Variants in NGDN observed in about 807,000 individuals in gnomAD.
NGDN encodes EIF4E-binding protein.
Under a neutral mutation model 45.2 loss-of-function variants are expected in NGDN, and 41 were observed. That is an observed-to-expected ratio of 0.91 (90% CI 0.71 to 1.18). The LOEUF is 1.18. Among genes scored for constraint, NGDN ranks in the 50% most tolerant of loss-of-function variants. NGDN has a pLI of 0.00. For missense variants in NGDN, 402 were observed against 399.9 expected, an observed-to-expected ratio of 1.01 and a Z score of -0.05; for synonymous variants, 137 against 130.9, an observed-to-expected ratio of 1.05 and a Z score of -0.32.
At chr14:23,477,841 A>T (rs1893939871) in intron 10 of NGDN, 166 bp from the exon 11 acceptor site, 1 of 1,491,354 alleles carries the variant, frequency 6.7e-7, no homozygotes, top group Admixed American at 2.5e-5. Flanking sequence ...CCATTATCCC[A>T]TTTCAATTTT....
intron 2 of NGDN, among the ~76,000 whole-genome samples, chr14:23,470,629 A>G (rs541440106): frequency 3.5e-4 from 54 of 152,346 alleles, no homozygotes; most frequent in Non-Finnish European, 5.1e-4. Context: ...AGTACAAACA[A>G]AATTACAGTG....
downstream of NGDN, chr14:23,478,621 A>C (rs570597490): frequency 1.3e-5 from 2 of 152,718 alleles, no homozygotes; most frequent in Non-Finnish European, 2.9e-5. Flanking sequence ...TAGCATGAAC[A>C]TAAGGCTGAT....
Position 23,476,353 on chromosome 14 carries a change from TC to T in NGDN, c.661del (p.Arg221ValfsTer25), listed in dbSNP as rs1257199463. 1.2e-6 allele frequency: 2 copies of T among 1,613,182 alleles called. No homozygotes were observed. Among genetic ancestry groups the T allele is most frequent in the East Asian group, 2.2e-5 (1 of 44,880 alleles). On this transcript the variant is annotated frameshift_variant, in exon 8 of 11. Coordinates refer to ENST00000408901, the MANE Select transcript of NGDN (RefSeq NM_001042635.2). LOFTEE classifies it high-confidence loss of function. ...CAGTACTCAGATGCTCCAGAGGAAA[TC>T]CGTGATGCTCGGCATCCCCATGTTA... ...KEQYSDAPEE[I>X]RDARHPHVTR...
At position 23,476,303 on chromosome 14, in the gene NGDN, C is replaced by T. The variant is rs1893901683; in HGVS notation, c.609C>T (p.Ser203=). The change falls in exon 8 of 11, where the codon AGC becomes AGT. Residue 203 remains serine, a synonymous_variant. Coordinates refer to ENST00000408901, the MANE Select transcript of NGDN (RefSeq NM_001042635.2). ...GAGCCAAGAGACGGGCATTGAGCAG[C>T]TCTGTCATTCGTGAACTTAAGGAGC... ...LERAKRRALS[S]SVIRELKEQY... 6.2e-7 allele frequency: 1 copy of T among 1,614,014 alleles called. No individual in the cohort carries two copies. Among genetic ancestry groups the T allele is most frequent in the African/African-American group, 1.3e-5 (1 of 74,920 alleles).
chr14:23,470,229 A>G (rs1198400411), intron 2 of NGDN, 128 bp downstream of exon 2: 5 of 750,440 alleles, frequency 6.7e-6, no homozygotes, highest in Non-Finnish European at 1.1e-5. Flanking sequence ...TGATGTAATC[A>G]AAACCTTTTC....
At position 23,477,257 on chromosome 14, in the gene NGDN, A is replaced by G. The variant is rs1893924315; in HGVS notation, c.771A>G (p.Gly257=). ...VRLSVSKREK[G]RRKRANVMSS... is the part of the protein sequence containing the mutation. ...TGAGCGTCAGTAAGCGAGAGAAAGG[A>G]CGGCGAAAACGAGCAAATGTCATGA... is the stretch of plus-strand genomic sequence containing the variant. Residue 257 remains glycine, a synonymous_variant, in exon 9 of 11, where the codon GGA becomes GGG. Coordinates refer to ENST00000408901, the MANE Select transcript of NGDN (RefSeq NM_001042635.2). 1 of 1,614,036 alleles carries G rather than the reference A, an allele frequency of 6.2e-7. No homozygotes were observed. Among genetic ancestry groups the G allele is most frequent in the Non-Finnish European group, 8.5e-7 (1 of 1,180,010 alleles).
rs755513175 is a variant in NGDN at position 23,476,252 on chromosome 14, T to A, written c.558T>A (p.Ala186=). The A allele has an allele frequency of 5.2e-5, 84 of 1,614,026 alleles. No individual in the cohort carries two copies. The highest frequency in any genetic ancestry group is 6.9e-5 in the Non-Finnish European group (81 of 1,180,008). The change falls in exon 8 of 11, where the codon GCT becomes GCA. Residue 186 remains alanine, a synonymous_variant. Coordinates refer to ENST00000408901, the MANE Select transcript of NGDN (RefSeq NM_001042635.2). ...TTCATCATGTAGATGAAACAGAAGCTGAGCGGGAGAAGAAGCGTCTAGAAC... is the reference window on the plus strand; with the variant it reads ...TTCATCATGTAGATGAAACAGAAGCAGAGCGGGAGAAGAAGCGTCTAGAAC... ...LVPVHYDETE[A]EREKKRLERA... is the part of the protein sequence containing the mutation.
In NGDN at chr14:23,476,360, T is replaced by C; in HGVS notation, c.666T>C (p.Asp222=). The C allele has an allele frequency of 6.2e-7, 1 of 1,613,046 alleles. No individual in the cohort carries two copies. Among genetic ancestry groups the C allele is most frequent in the Non-Finnish European group, 8.5e-7 (1 of 1,179,998 alleles). ...CAGATGCTCCAGAGGAAATCCGTGA[T>C]GCTCGGCATCCCCATGTTACCCGCC... ...QYSDAPEEIR[D]ARHPHVTRQS... The change falls in exon 8 of 11, where the codon GAT becomes GAC. Residue 222 remains aspartate (D), a synonymous_variant. Transcript: ENST00000408901.
intron 3 of NGDN, among the ~76,000 whole-genome samples, chr14:23,473,986 C>T (rs1037435581): frequency 3.4e-5 from 5 of 148,096 alleles, no homozygotes; most frequent in Non-Finnish European, 7.4e-5. Flanking sequence ...TGCAGTGAGC[C>T]GAGACAGTGC....
chr14:23,472,275 C>T (rs1402758470), intron 3 of NGDN, among the ~76,000 whole-genome samples: 1 of 150,488 alleles, frequency 6.6e-6, no homozygotes, highest in African/African-American at 2.4e-5. Context: ...GCGGATGGAT[C>T]ACCTGAGGTC....
chr14:23,471,426 C>G (rs1362477766), intron 3 of NGDN: 1 of 154,990 alleles, frequency 6.5e-6, no homozygotes, highest in Non-Finnish European at 1.4e-5. Flanking sequence ...AAAAGTCACT[C>G]TGAAGATTAC....
At chr14:23,470,323 AT>A in intron 2 of NGDN, 4 of 533,982 alleles carry the variant, frequency 7.5e-6, no homozygotes, top group Non-Finnish European at 1.3e-5. Flanking sequence ...GTTTTCCTTT[AT>A]TCATATAGCT....
chr14:23,478,194 T>C (rs916693187), downstream of NGDN: 1 of 635,236 alleles, frequency 1.6e-6, no homozygotes, highest in African/African-American at 1.9e-5. Flanking sequence ...TTTTTGCACA[T>C]GTATTGTACG....
At chr14:23,472,351 C>G (rs1893801130) in intron 3 of NGDN, among the ~76,000 whole-genome samples, 1 of 151,922 alleles carries the variant, frequency 6.6e-6, no homozygotes, top group Non-Finnish European at 1.5e-5. Context: ...CAAAAATTAG[C>G]CGGGCATGGT....
intron 2 of NGDN, 21 bp from the exon 3 acceptor site, chr14:23,470,884 GT>G: frequency 6.5e-7 from 1 of 1,549,072 alleles, no homozygotes; most frequent in Non-Finnish European, 8.7e-7. Flanking sequence ...CTAATCACTT[GT>G]TTTATTTGGG....
chr14:23,476,426 G>A lies in NGDN; in HGVS notation c.713+19G>A. The A allele has an allele frequency of 6.3e-7, 1 of 1,596,962 alleles. No individual in the cohort carries two copies. The highest frequency in any genetic ancestry group is 8.5e-7 in the Non-Finnish European group (1 of 1,170,406). ...AACACAGGTCTGAGCCCTTGCATTA[G>A]AAATTATTCCTGCACTCTAGAGTCC... is the stretch of plus-strand genomic sequence containing the variant. On this transcript the variant is annotated intron_variant, in intron 8 of 10. Coordinates refer to ENST00000408901, the MANE Select transcript of NGDN (RefSeq NM_001042635.2).
At chr14:23,474,570 T>TCC (rs11399441) in intron 3 of NGDN, among the ~76,000 whole-genome samples, 8 of 151,720 alleles carry the variant, frequency 5.3e-5, no homozygotes, top group Admixed American at 2.6e-4. Context: ...ATTCATCATA[T>TCC]CCCCCCCTAC....
rs1893725850 is a variant in NGDN, at chr14:23,469,715, G to A, written c.-1G>A. ...CACCGGAAGGGGTGGGCTTTGCGAA[G>A]ATGGCGGCGCTGGTGAGTTTGGTGT... is the stretch of plus-strand genomic sequence containing the variant. On this transcript the variant is annotated 5_prime_UTR_variant, in exon 1 of 11. Transcript: ENST00000408901. 1 of 1,614,204 alleles carries A rather than the reference G, an allele frequency of 6.2e-7. No individual in the cohort carries two copies. Among genetic ancestry groups the A allele is most frequent in the Non-Finnish European group, 8.5e-7 (1 of 1,180,030 alleles).
At chr14:23,477,673 C>A (rs922785263) in intron 10 of NGDN, 113 bp downstream of exon 10, 1 of 1,546,420 alleles carries the variant, frequency 6.5e-7, no homozygotes, top group Non-Finnish European at 8.7e-7. Flanking sequence ...CTCTTCCATA[C>A]TGGGCAATAA....
Sources: allele counts gnomAD v4.1 joint callset (sites outside exome capture counted in the v4.1 genomes callset), GRCh38; gene constraint gnomAD v4.1.1; transcripts MANE v1.5; gene names NCBI Gene and HGNC (gene_info 2026-07-23, HGNC 2026-07-21).